Variants in NRXN1 observed in about 807,000 individuals in gnomAD.
NRXN1 encodes neurexin-1.
A neutral mutation model predicts 150.9 loss-of-function variants in NRXN1; 39 were observed. The ratio of observed to expected loss-of-function variants is 0.26; its 90% CI spans 0.20 to 0.34. The LOEUF is 0.34. Ranked by LOEUF, NRXN1 falls within the 10% of genes least tolerant of loss-of-function variation. NRXN1 has a pLI of 1.00. For missense variants in NRXN1, 1,815 were observed against 1,949.9 expected (o/e 0.93, Z 1.30); for synonymous variants, 924 against 757.0 (o/e 1.22, Z -3.62).
chr2:50,727,683 G>A lies in NRXN1; in HGVS notation c.833-104068C>T, dbSNP rs144140570. Among the ~76,000 whole-genome samples, 5 of 152,156 alleles carry A rather than the reference G, an allele frequency of 3.3e-5. No homozygotes were observed. In the East Asian group the frequency reaches 9.7e-4, roughly 29 times the overall value. The stretch of plus-strand genomic sequence containing the variant: ...TAAAGCATTTATAAAGTGCTCTAAG[G>A]ACTAATCTACTAAGAAGATTTATGT... On this transcript the variant is annotated intron_variant, in intron 5 of 22. Coordinates refer to ENST00000401669, the MANE Select transcript of NRXN1 (RefSeq NM_001330078.2).
chr2:50,416,273 T>C (rs1466767944), intron 17 of NRXN1, among the ~76,000 whole-genome samples: 1 of 151,848 alleles, frequency 6.6e-6, no homozygotes, highest in African/African-American at 2.4e-5. Flanking sequence ...ACTGAGCAAA[T>C]AAAATATACC....
intron 21 of NRXN1, among the ~76,000 whole-genome samples, chr2:50,005,783 A>G (rs1324592826): frequency 6.6e-6 from 1 of 152,178 alleles, no homozygotes; most frequent in Non-Finnish European, 1.5e-5. Context: ...GTTCTCAAAC[A>G]CACTGTGCAT....
intron 5 of NRXN1, among the ~76,000 whole-genome samples, chr2:50,804,999 G>A (rs1667322661): frequency 2.6e-5 from 4 of 152,258 alleles, no homozygotes; most frequent in Non-Finnish European, 5.9e-5. Context: ...TGCATCACTA[G>A]GTGACCTTTT....
chr2:50,857,605 G>C (rs1461020090), intron 5 of NRXN1, among the ~76,000 whole-genome samples: 1 of 151,950 alleles, frequency 6.6e-6, no homozygotes, highest in East Asian at 1.9e-4. Context: ...GATATACAAA[G>C]CCATTAATTT....
At position 50,908,734 on chromosome 2, in the gene NRXN1, G is replaced by A. The variant is rs181021592; in HGVS notation, c.832+13135C>T. 1.1e-4 allele frequency among the ~76,000 whole-genome samples: 16 copies of A among 152,212 alleles called. No homozygotes were observed. The East Asian group carries it at 2.7e-3, about 26-fold the overall frequency. ...AACTTAATCCTCAAATTAATACGCTGACTGGAAGTGGGTCCTTTAGGAGGT... is the reference window on the plus strand; with the variant it reads ...AACTTAATCCTCAAATTAATACGCTAACTGGAAGTGGGTCCTTTAGGAGGT... On this transcript the variant is annotated intron_variant, in intron 5 of 22. Coordinates refer to ENST00000401669, the MANE Select transcript of NRXN1 (RefSeq NM_001330078.2).
intron 21 of NRXN1, among the ~76,000 whole-genome samples, chr2:50,040,317 A>C (rs924853752): frequency 6.6e-6 from 1 of 151,218 alleles, no homozygotes; most frequent in African/African-American, 2.4e-5. Context: ...AAAGCAACAA[A>C]ATTTATATAT....
chr2:51,003,503 C>T (rs964003811), intron 2 of NRXN1, among the ~76,000 whole-genome samples: 5 of 151,902 alleles, frequency 3.3e-5, no homozygotes, highest in Non-Finnish European at 5.9e-5. Context: ...TCAAAATATC[C>T]TATCTAAAAA....
At chr2:50,179,397 T>C (rs1017325852) in intron 18 of NRXN1, among the ~76,000 whole-genome samples, 2 of 152,152 alleles carry the variant, frequency 1.3e-5, no homozygotes, top group Admixed American at 6.6e-5. Flanking sequence ...CTGTTTTTCT[T>C]TTGTCCTTAT....
At chr2:50,313,017 T>C (rs562434871) in intron 17 of NRXN1, among the ~76,000 whole-genome samples, 84 of 152,002 alleles carry the variant, frequency 5.5e-4, no homozygotes, top group African/African-American at 2.0e-3. Context: ...TATCAAGAAA[T>C]AAGTTAAAGT....
chr2:50,272,420 C>G (rs946181474), intron 17 of NRXN1, among the ~76,000 whole-genome samples: 4 of 152,106 alleles, frequency 2.6e-5, no homozygotes, highest in Non-Finnish European at 4.4e-5. Context: ...AAACTTGATA[C>G]TGAAAACAAC....
intron 5 of NRXN1, among the ~76,000 whole-genome samples, chr2:50,847,778 C>T (rs1359521615): frequency 6.6e-6 from 1 of 152,142 alleles, no homozygotes; most frequent in East Asian, 1.9e-4. Flanking sequence ...AGCACACCGA[C>T]AGACGTCGGC....
chr2:50,945,923 T>C (rs887120187), intron 2 of NRXN1, among the ~76,000 whole-genome samples: 12 of 148,256 alleles, frequency 8.1e-5, no homozygotes, highest in African/African-American at 3.0e-4. Context: ...CACACACACA[T>C]CTTTACTTGT....
At chr2:50,957,607 T>C (rs1212279951) in intron 2 of NRXN1, among the ~76,000 whole-genome samples, 1 of 152,294 alleles carries the variant, frequency 6.6e-6, no homozygotes, top group African/African-American at 2.4e-5. Context: ...AATAAATGAT[T>C]CTGCGGCTTT....
rs566494591 is a variant in NRXN1 at position 50,877,208 on chromosome 2, C to CAT, written c.832+44659_832+44660dup. 4.6e-3 allele frequency among the ~76,000 whole-genome samples: 700 copies of CAT among 151,758 alleles called. 5 individuals carry two copies. The highest frequency in any genetic ancestry group is 0.016 in the African/African-American group (676 of 41,406). On this transcript the variant is annotated intron_variant, in intron 5 of 22. Coordinates refer to ENST00000401669, the MANE Select transcript of NRXN1 (RefSeq NM_001330078.2). Reference sequence around the variant, plus strand: ...AGACACACACATATACACACACACACATATATATACACACATACACACATA... The same window carrying CAT: ...AGACACACACATATACACACACACACATATATATATACACACATACACACATA...
At chr2:49,935,488 T>C (rs1188792549) in intron 22 of NRXN1, among the ~76,000 whole-genome samples, 1 of 152,204 alleles carries the variant, frequency 6.6e-6, no homozygotes, top group Non-Finnish European at 1.5e-5. Context: ...ATATTGCCAG[T>C]GTCAGGCTTC....
At chr2:50,295,738 G>C (rs970050757) in intron 17 of NRXN1, among the ~76,000 whole-genome samples, 4 of 152,166 alleles carry the variant, frequency 2.6e-5, no homozygotes, top group South Asian at 2.1e-4. Flanking sequence ...ATTTCAATGA[G>C]GATGAAGAAT....
At chr2:50,069,099 A>G (rs1246239605) in intron 19 of NRXN1, among the ~76,000 whole-genome samples, 1 of 152,236 alleles carries the variant, frequency 6.6e-6, no homozygotes, top group Non-Finnish European at 1.5e-5. Flanking sequence ...GTTCTGTGAC[A>G]GCAGCATGGT....
intron 17 of NRXN1, among the ~76,000 whole-genome samples, chr2:50,434,325 G>A (rs541751527): frequency 6.6e-6 from 1 of 151,728 alleles, no homozygotes; most frequent in Non-Finnish European, 1.5e-5. Flanking sequence ...CTCGTGATCC[G>A]CCTACCTCGG....
At chr2:50,611,765 A>G (rs1678169589) in intron 8 of NRXN1, among the ~76,000 whole-genome samples, 1 of 152,182 alleles carries the variant, frequency 6.6e-6, no homozygotes, top group African/African-American at 2.4e-5. Flanking sequence ...TAAGAGGAGG[A>G]AAAGTGTGCA....
Sources: allele counts gnomAD v4.1 joint callset (sites outside exome capture counted in the v4.1 genomes callset), GRCh38; gene constraint gnomAD v4.1.1; transcripts MANE v1.5; gene names NCBI Gene and HGNC (gene_info 2026-07-23, HGNC 2026-07-21).